The following KLF12 variants were observed in gnomAD, a reference collection of about 807,000 sequenced individuals.
KLF12 encodes KLF transcription factor 12.
KLF12 carries 9 observed loss-of-function variants against 37.8 expected under a neutral mutation model. The ratio of observed to expected loss-of-function variants is 0.24; its 90% confidence interval spans 0.14 to 0.42. KLF12 has a LOEUF of 0.42. Among genes scored for constraint, KLF12 ranks in the 10% least tolerant of loss-of-function variants. KLF12 has a pLI of 1.00. For synonymous variants in KLF12, 208 were observed against 202.1 expected (o/e 1.03, Z -0.25); for missense variants, 411 against 516.0 (o/e 0.80, Z 1.97).
At chr13:74,153,609 T>C in the KLF12 span, among the ~76,000 whole-genome samples, 2 of 152,106 alleles carry the variant, frequency 1.3e-5, no homozygotes, top group Admixed American at 1.3e-4. Flanking sequence ...CACACTACAC[T>C]CATATTAAGA....
chr13:73,912,617 G>C (rs1396210980), intron 3 of KLF12, among the ~76,000 whole-genome samples: 1 of 152,078 alleles, frequency 6.6e-6, no homozygotes, highest in African/African-American at 2.4e-5. Context: ...CTCTCCTACA[G>C]GTTTCAGAGA....
At chr13:74,048,641 G>A (rs1056850795) in intron 1 of KLF12, among the ~76,000 whole-genome samples, 1 of 152,006 alleles carries the variant, frequency 6.6e-6, no homozygotes, top group African/African-American at 2.4e-5. Context: ...AATAGATAAG[G>A]AAATAAGTCA....
intron 3 of KLF12, among the ~76,000 whole-genome samples, chr13:73,899,995 A>G (rs972378099): frequency 6.6e-6 from 1 of 152,184 alleles, no homozygotes; most frequent in Non-Finnish European, 1.5e-5. Flanking sequence ...CCTAATGCAA[A>G]CCTGAAGAGT....
chr13:74,154,650 ACAGGACCC>A, the KLF12 span, among the ~76,000 whole-genome samples: 72,789 of 151,484 alleles, frequency 0.48, 18,387 homozygotes, highest in East Asian at 0.79. Flanking sequence ...AAAATGATGT[ACAGGACCC>A]CAATCCAAAT....
At chr13:74,174,747 C>T in the KLF12 span, among the ~76,000 whole-genome samples, 1 of 152,228 alleles carries the variant, frequency 6.6e-6, no homozygotes, top group Non-Finnish European at 1.5e-5. Flanking sequence ...GCACCTCTTC[C>T]ATTTACGCAT....
chr13:74,084,429 T>C (rs1188744735), intron 1 of KLF12, among the ~76,000 whole-genome samples: 1 of 152,214 alleles, frequency 6.6e-6, no homozygotes, highest in East Asian at 1.9e-4. Context: ...CCAGGGTTTT[T>C]ATAAAGTCCC....
chr13:73,845,594 A>T (rs1884969623), intron 4 of KLF12, among the ~76,000 whole-genome samples: 1 of 152,200 alleles, frequency 6.6e-6, no homozygotes, highest in African/African-American at 2.4e-5. Context: ...ACATTACGTG[A>T]CCTATGGTAA....
chr13:73,944,154 C>T, intron 2 of KLF12, 84 bp from the exon 3 acceptor site: 1 of 784,090 alleles, frequency 1.3e-6, no homozygotes, highest in Middle Eastern at 2.3e-4. Flanking sequence ...CATTGTAGTA[C>T]ATTTAGTATT....
chr13:74,110,955 C>A (rs183170691), intron 1 of KLF12, among the ~76,000 whole-genome samples: 1 of 151,974 alleles, frequency 6.6e-6, no homozygotes, highest in African/African-American at 2.4e-5. Context: ...GAGTACGAGA[C>A]CAGCCTGACC....
chr13:74,204,191 A>G, the KLF12 span, among the ~76,000 whole-genome samples: 1 of 152,198 alleles, frequency 6.6e-6, no homozygotes, highest in East Asian at 1.9e-4. Flanking sequence ...CTTAAACTTC[A>G]TCTGTAGGAT....
intron 7 of KLF12, among the ~76,000 whole-genome samples, chr13:73,700,058 C>T (rs1232666214): frequency 6.6e-6 from 1 of 151,952 alleles, no homozygotes; most frequent in African/African-American, 2.4e-5. Context: ...TCACTTGAGG[C>T]CAGGAGTTCA....
intron 3 of KLF12, among the ~76,000 whole-genome samples, chr13:73,883,997 G>A (rs916470224): frequency 2.0e-5 from 3 of 152,096 alleles, no homozygotes; most frequent in Admixed American, 6.5e-5. Context: ...TACCTTCTCC[G>A]AATTTAACGC....
At chr13:74,020,823 G>A (rs192809981) in intron 1 of KLF12, among the ~76,000 whole-genome samples, 28 of 151,726 alleles carry the variant, frequency 1.8e-4, no homozygotes, top group Admixed American at 2.0e-4. Context: ...CCCGGGAGGC[G>A]GAGCTTGCAG....
At chr13:74,194,471 G>A in the KLF12 span, among the ~76,000 whole-genome samples, 1 of 152,160 alleles carries the variant, frequency 6.6e-6, no homozygotes, top group African/African-American at 2.4e-5. Flanking sequence ...TGCATCCTTA[G>A]AAGGGGAGGA....
At chr13:73,881,611 T>G (rs1483301845) in intron 3 of KLF12, among the ~76,000 whole-genome samples, 1 of 152,210 alleles carries the variant, frequency 6.6e-6, no homozygotes, top group African/African-American at 2.4e-5. Flanking sequence ...ATGCTTTCAC[T>G]CTCATTTTGC....
chr13:73,786,203 C>T (rs117059932), intron 5 of KLF12, among the ~76,000 whole-genome samples: 1,807 of 152,290 alleles, frequency 0.012, 20 homozygotes, highest in Non-Finnish European at 0.02. Context: ...AGGTGTTTTG[C>T]TAGAAGCGTC....
chr13:73,890,885 T>G (rs1421426572), intron 3 of KLF12, among the ~76,000 whole-genome samples: 1 of 152,158 alleles, frequency 6.6e-6, no homozygotes, highest in Non-Finnish European at 1.5e-5. Context: ...CTTAGTTCAC[T>G]GGAGCCCTTG....
the KLF12 span, among the ~76,000 whole-genome samples, chr13:74,297,976 G>A: frequency 7.9e-5 from 12 of 152,280 alleles, no homozygotes; most frequent in East Asian, 2.1e-3. Flanking sequence ...ATCACATTAT[G>A]AATGTCTCTA....
At chr13:73,776,080 G>C (rs555554506) in intron 5 of KLF12, among the ~76,000 whole-genome samples, 41 of 152,228 alleles carry the variant, frequency 2.7e-4, no homozygotes, top group Non-Finnish European at 4.9e-4. Context: ...TCAAATGCTA[G>C]AAAACTTTCA....
Sources: gnomAD v4.1 joint callset for allele counts (sites outside exome capture counted in the v4.1 genomes callset) on GRCh38, gnomAD v4.1.1 for gene constraint, MANE v1.5 for transcripts, NCBI Gene and HGNC (gene_info 2026-07-23, HGNC 2026-07-21) for gene names.